LONP1: variants seen among roughly 807,000 people sequenced by gnomAD.
LONP1 encodes lon protease homolog, mitochondrial.
A neutral mutation model predicts 98.5 loss-of-function variants in LONP1; 31 were observed. The ratio of observed to expected loss-of-function variants is 0.31; its 90% CI spans 0.24 to 0.42. LONP1 has a LOEUF of 0.42. Ranked by LOEUF, LONP1 falls within the 20% of genes least tolerant of loss-of-function variation. LONP1 has a pLI of 1.00. For synonymous variants in LONP1, 781 were observed against 594.7 expected, an observed-to-expected ratio of 1.31 and a Z score of -4.56; for missense variants, 1,336 against 1,350.6, an observed-to-expected ratio of 0.99 and a Z score of 0.17.
rs772122947 is a variant in LONP1 at position 5,705,821 on chromosome 19, C to T, written c.1318G>A (p.Glu440Lys). The change falls in exon 8 of 18, where the codon GAG becomes AAG. Residue 440 changes from glutamate to lysine, a missense_variant. By Grantham distance (56) the Glu-to-Lys change is moderately conservative (BLOSUM62 1). Coordinates refer to ENST00000360614, the MANE Select transcript of LONP1 (RefSeq NM_004793.4). ...AGCAGGCCCAGCTTGCTCAGCTCCT[C>T]GTCCACAACATCCATGACGTGCTTG... ...VPKHVMDVVD[E>K]ELSKLGLLDN... is the part of the protein sequence containing the mutation. 6 of 1,614,030 alleles carry T rather than the reference C, an allele frequency of 3.7e-6. No individual in the cohort carries two copies. The South Asian group carries it at 4.4e-5, about 12-fold the overall frequency.
chr19:5,694,375 C>T lies in LONP1; in HGVS notation c.2320+12G>A, dbSNP rs1222871284. ...GAATGGCTTTGGGGTCTTCTCCCGC[C>T]ACCACGCTCACCCATTGCGGTCCAG... On this transcript the variant is annotated intron_variant, in intron 15 of 17. Coordinates refer to ENST00000360614, the MANE Select transcript of LONP1 (RefSeq NM_004793.4). The T allele has an allele frequency of 3.7e-6, 6 of 1,610,506 alleles. No individual in the cohort carries two copies. The highest frequency in any genetic ancestry group is 5.1e-6 in the Non-Finnish European group (6 of 1,177,666).
At chr19:5,694,633 T>C in intron 14 of LONP1, 81 bp from the exon 15 acceptor site, 1 of 1,529,266 alleles carries the variant, frequency 6.5e-7, no homozygotes, top group Non-Finnish European at 8.9e-7. Flanking sequence ...CACAGAAAGG[T>C]GTGACGGGCG....
chr19:5,703,180 CAAAAAAAAAA>C lies in LONP1; in HGVS notation c.1368-2263_1368-2254del, dbSNP rs35471644. ...TGGGCAACAGAGTGAGACTCCATCT[CAAAAAAAAAA>C]AAAAAAAAAAATTTACAAACTGCCC... On this transcript the variant is annotated intron_variant, in intron 8 of 17. Transcript: ENST00000360614. 1.6e-3 allele frequency among the ~76,000 whole-genome samples: 126 copies of C among 77,094 alleles called. 1 individual carries two copies. The highest frequency in any genetic ancestry group is 6.1e-3 in the African/African-American group (124 of 20,468). The allele number at this position is 77,094 out of a possible 152,430, so 50.6% of individuals were successfully genotyped here. A position where few individuals can be genotyped will look rare whatever the true frequency, so the allele number is the denominator to read the frequency against.
chr19:5,717,895 T>C (rs74725561), intron 1 of LONP1, among the ~76,000 whole-genome samples: 4,366 of 146,048 alleles, frequency 0.03, 72 homozygotes, highest in East Asian at 0.035. Flanking sequence ...TTCTTTCTTT[T>C]TTTTTTTTTT....
In LONP1 at chr19:5,692,157, CCTT is replaced by C. The variant is rs751060700; in HGVS notation, c.2752_2754del (p.Lys918del). 1.5e-5 allele frequency: 25 copies of C among 1,614,006 alleles called. No homozygotes were observed. The highest frequency in any genetic ancestry group is 4.5e-5 in the East Asian group (2 of 44,888). On this transcript the variant is annotated inframe_deletion, in exon 18 of 18. Transcript: ENST00000360614. ...ATGAAGGCTGCCAGGTCGTAGAAGT[CCTT>C]CTTGTTCTCGGCTGGCAGGACGATG...
intron 4 of LONP1, 136 bp from the exon 5 acceptor site, chr19:5,708,539 G>A (rs1172635157): frequency 6.2e-5 from 23 of 369,384 alleles, no homozygotes; most frequent in South Asian, 8.1e-5. Flanking sequence ...CCCTGGCCAC[G>A]GACGGCCTGG....
Position 5,691,998 on chromosome 19 carries a change from C to T in LONP1, c.*34G>A. The T allele has an allele frequency of 6.3e-7, 1 of 1,593,472 alleles. No individual in the cohort carries two copies. Among genetic ancestry groups the T allele is most frequent in the Non-Finnish European group, 8.6e-7 (1 of 1,168,886 alleles). ...CGCTCAGTTCTGGCCCAGACAGGGC[C>T]TGACATCCGCCGCCTGCAGTCCCGG... is the stretch of plus-strand genomic sequence containing the variant. On this transcript the variant is annotated 3_prime_UTR_variant, in exon 18 of 18. Transcript: ENST00000360614.
intron 14 of LONP1, 28 bp from the exon 15 acceptor site, chr19:5,694,580 ACGGGAAGGTGGGGTGACAGGTG>A (rs760151484): frequency 2.5e-6 from 4 of 1,598,112 alleles, no homozygotes; most frequent in Middle Eastern, 1.7e-4. Flanking sequence ...CACAATGGGC[ACGGGAAGGTGGGGTGACAGGTG>A]CGGGGTGGTG....
At chr19:5,713,051 G>A in intron 3 of LONP1, 83 bp downstream of exon 3, 2 of 1,586,616 alleles carry the variant, frequency 1.3e-6, no homozygotes, top group Non-Finnish European at 1.7e-6. Flanking sequence ...GGCAGAGGCT[G>A]ATGCTGGGGC....
intron 4 of LONP1, among the ~76,000 whole-genome samples, chr19:5,710,710 G>A (rs1431686644): frequency 1.3e-5 from 2 of 152,112 alleles, no homozygotes; most frequent in Non-Finnish European, 2.9e-5. Flanking sequence ...CTTGGCCACA[G>A]CAGCTCTACT....
chr19:5,708,030 C>G, intron 5 of LONP1: 1 of 644,928 alleles, frequency 1.6e-6, no homozygotes, highest in Non-Finnish European at 2.6e-6. Context: ...ATGCAGCATC[C>G]TCACGTGCAG....
upstream of LONP1, chr19:5,720,388 A>G: frequency 8.4e-6 from 5 of 596,740 alleles, no homozygotes; most frequent in East Asian, 3.1e-5. Context: ...CAGCGCCCGT[A>G]CAAAACACTG....
chr19:5,692,664 T>A (rs1281313338), intron 17 of LONP1, among the ~76,000 whole-genome samples: 1 of 152,092 alleles, frequency 6.6e-6, no homozygotes, highest in African/African-American at 2.4e-5. Context: ...CCACAGCCCC[T>A]TGAAAGGACA....
chr19:5,716,863 A>G (rs1450122265), intron 1 of LONP1, among the ~76,000 whole-genome samples: 1 of 152,110 alleles, frequency 6.6e-6, no homozygotes, highest in Non-Finnish European at 1.5e-5. Context: ...GAGCGATCTC[A>G]GCTCACTGCA....
At position 5,705,759 on chromosome 19, in the gene LONP1, G is replaced by A. The variant is rs753474694; in HGVS notation, c.1367+13C>T. 2 of 1,612,892 alleles carry A rather than the reference G, an allele frequency of 1.2e-6. No homozygotes were observed. The highest frequency in any genetic ancestry group is 4.5e-5 in the East Asian group (2 of 44,866). On this transcript the variant is annotated intron_variant, in intron 8 of 17. Transcript: ENST00000360614. ...TCACCTGAGGGCTGGGCCGCCCCGG[G>A]CCTGGCACTCACTTGAACTCCGAGG...
chr19:5,692,044 G>A lies in LONP1; in HGVS notation c.2868C>T (p.Ala956=), dbSNP rs775074338. ...AFPDEQAEAL[A]VER ...CCCGGGGTGGCCGTCACCGTTCCAC[G>A]GCCAGCGCCTCTGCCTGCTCGTCCG... Residue 956 remains alanine, a synonymous_variant, in exon 18 of 18, where the codon GCC becomes GCT. Transcript: ENST00000360614. 41 of 1,517,916 alleles carry A rather than the reference G, an allele frequency of 2.7e-5. No homozygotes were observed. The Middle Eastern group carries it at 5.3e-4, about 20-fold the overall frequency. The allele number at this position is 1,517,916 out of a possible 1,614,324, so 94.0% of individuals were successfully genotyped here. A position where few individuals can be genotyped will look rare whatever the true frequency, so the allele number is the denominator to read the frequency against.
At position 5,718,472 on chromosome 19, in the gene LONP1, G is replaced by T. The variant is rs371406066; in HGVS notation, c.429+1232C>A. ...TAGCCTAGATGACAGAGTGCAACTT[G>T]GTCTCAAAAAAAAAAAAAAAAAAAT... On this transcript the variant is annotated intron_variant, in intron 1 of 17. Transcript: ENST00000360614. 1.0e-3 allele frequency among the ~76,000 whole-genome samples: 151 copies of T among 146,154 alleles called. 2 individuals are homozygous for T. The South Asian group carries it at 0.022, about 22-fold the overall frequency.
rs532805464 is a variant in LONP1, at chr19:5,710,980, C to G, written c.870+791G>C. ...GGTGGAAATTGCAGTGAGCTGAGAT[C>G]GTTCCATTGCACTCCAGCCTGGGTT... is the stretch of plus-strand genomic sequence containing the variant. On this transcript the variant is annotated intron_variant, in intron 4 of 17. Coordinates refer to ENST00000360614, the MANE Select transcript of LONP1 (RefSeq NM_004793.4). 3.9e-4 allele frequency among the ~76,000 whole-genome samples: 60 copies of G among 151,918 alleles called. 1 individual carries two copies. In the South Asian group the frequency reaches 0.012, roughly 32 times the overall value.
At chr19:5,713,846 C>T (rs1042007905) in intron 2 of LONP1, among the ~76,000 whole-genome samples, 2 of 152,020 alleles carry the variant, frequency 1.3e-5, no homozygotes, top group South Asian at 2.1e-4. Context: ...TACAGGTGTG[C>T]GACCCCACGC....
Sources: gnomAD v4.1 joint callset for allele counts (sites outside exome capture counted in the v4.1 genomes callset) on GRCh38, gnomAD v4.1.1 for gene constraint, MANE v1.5 for transcripts, NCBI Gene and HGNC (gene_info 2026-07-23, HGNC 2026-07-21) for gene names.